HECW2: variants seen among roughly 807,000 people sequenced by gnomAD.
The protein encoded by HECW2 is E3 ubiquitin-protein ligase HECW2.
A neutral mutation model predicts 175.2 loss-of-function variants in HECW2; 61 were observed. The observed-to-expected ratio is 0.35, with a 90% CI of 0.28 to 0.43. The LOEUF (loss-of-function observed/expected upper bound fraction) is 0.43, where lower values mean the gene tolerates loss of function less well. Ranked by LOEUF, HECW2 falls within the 20% of genes least tolerant of loss-of-function variation. The pLI is 1.00. For synonymous variants in HECW2, 671 were observed against 731.0 expected, an observed-to-expected ratio of 0.92 and a Z score of 1.32; for missense variants, 1,524 against 2,000.5, an observed-to-expected ratio of 0.76 and a Z score of 4.54.
chr2:196,433,500 C>T (rs1013289675), intron 1 of HECW2, 42 bp from the exon 2 acceptor site: 36 of 1,398,382 alleles, frequency 2.6e-5, no homozygotes, highest in Middle Eastern at 5.1e-4. Context: ...TGCTACAATA[C>T]GAAGAATCAG....
At chr2:196,525,545 G>T (rs1247513137) in intron 1 of HECW2, among the ~76,000 whole-genome samples, 3 of 130,718 alleles carry the variant, frequency 2.3e-5, no homozygotes, top group East Asian at 2.3e-4. Context: ...GATTTTGCTC[G>T]TTAGTTGATG....
At chr2:196,463,564 A>G (rs1044704799) in intron 1 of HECW2, among the ~76,000 whole-genome samples, 3 of 152,232 alleles carry the variant, frequency 2.0e-5, no homozygotes, top group East Asian at 1.9e-4. Flanking sequence ...CATTATGACT[A>G]TAACAGTAGT....
chr2:196,392,068 G>T (rs1244565795), intron 2 of HECW2, among the ~76,000 whole-genome samples: 1 of 152,142 alleles, frequency 6.6e-6, no homozygotes, highest in African/African-American at 2.4e-5. Flanking sequence ...CATATTCGGA[G>T]ATTCAGGAAG....
chr2:196,573,778 C>T (rs1432903952), intron 1 of HECW2, among the ~76,000 whole-genome samples: 1 of 152,046 alleles, frequency 6.6e-6, no homozygotes, highest in Non-Finnish European at 1.5e-5. Context: ...AAATAAAAGG[C>T]ATCCAACTCA....
intron 1 of HECW2, among the ~76,000 whole-genome samples, chr2:196,480,315 T>C (rs973286289): frequency 6.6e-6 from 1 of 152,206 alleles, no homozygotes; most frequent in Non-Finnish European, 1.5e-5. Context: ...TACTTCTCTT[T>C]GTGCTCATTT....
intron 1 of HECW2, among the ~76,000 whole-genome samples, chr2:196,457,461 T>C (rs547878754): frequency 6.6e-6 from 1 of 152,380 alleles, no homozygotes; most frequent in South Asian, 2.1e-4. Flanking sequence ...TTTTAGCATA[T>C]GAAAGATCTT....
chr2:196,555,661 T>G (rs1426850632), intron 1 of HECW2, among the ~76,000 whole-genome samples: 2 of 152,186 alleles, frequency 1.3e-5, no homozygotes, highest in African/African-American at 2.4e-5. Context: ...GAAAAAAAAT[T>G]TGTAGGCCCC....
At chr2:196,231,559 G>A (rs1007208585) in intron 21 of HECW2, among the ~76,000 whole-genome samples, 2 of 152,248 alleles carry the variant, frequency 1.3e-5, no homozygotes, top group Non-Finnish European at 2.9e-5. Flanking sequence ...CCTGCTACAA[G>A]GGCAGAGTTG....
chr2:196,516,000 G>A (rs1688133051), intron 1 of HECW2, among the ~76,000 whole-genome samples: 4 of 151,652 alleles, frequency 2.6e-5, no homozygotes, highest in African/African-American at 9.7e-5. Flanking sequence ...AGTTGGACAT[G>A]GTGGCTCATG....
chr2:196,389,602 C>T (rs956608766), intron 2 of HECW2, among the ~76,000 whole-genome samples: 2 of 152,184 alleles, frequency 1.3e-5, no homozygotes, highest in African/African-American at 4.8e-5. Flanking sequence ...GATCTGCCTC[C>T]TGCCTCTGCA....
intron 1 of HECW2, among the ~76,000 whole-genome samples, chr2:196,540,142 C>G (rs1215156260): frequency 6.6e-6 from 1 of 152,164 alleles, no homozygotes; most frequent in Non-Finnish European, 1.5e-5. Flanking sequence ...TTCACTACAA[C>G]TTGTAACTGT....
intron 2 of HECW2, among the ~76,000 whole-genome samples, chr2:196,373,956 C>T (rs1693977153): frequency 6.6e-6 from 1 of 150,840 alleles, no homozygotes; most frequent in Non-Finnish European, 1.5e-5. Context: ...GGCGTGAACC[C>T]GGGAGGCGGA....
chr2:196,503,801 AAAAT>A (rs1358406398), intron 1 of HECW2, among the ~76,000 whole-genome samples: 5 of 152,264 alleles, frequency 3.3e-5, no homozygotes, highest in Non-Finnish European at 7.3e-5. Context: ...AAAAGTTTCA[AAAAT>A]AAGCCGCAGC....
intron 1 of HECW2, among the ~76,000 whole-genome samples, chr2:196,454,254 G>A (rs1033557331): frequency 5.3e-5 from 8 of 152,164 alleles, no homozygotes; most frequent in Non-Finnish European, 1.2e-4. Flanking sequence ...TTACTTTAAT[G>A]TATAGCCACT....
chr2:196,551,616 G>A (rs568208538), intron 1 of HECW2, among the ~76,000 whole-genome samples: 9 of 151,938 alleles, frequency 5.9e-5, no homozygotes, highest in South Asian at 2.1e-4. Context: ...TTTTCCCTGC[G>A]CATACTATAT....
chr2:196,495,497 A>T (rs1269176598), intron 1 of HECW2, among the ~76,000 whole-genome samples: 2 of 152,252 alleles, frequency 1.3e-5, no homozygotes, highest in Admixed American at 6.5e-5. Flanking sequence ...ATGAGTGGTC[A>T]GAGAAAGAGA....
At chr2:196,295,407 G>A (rs1190665789) in intron 13 of HECW2, among the ~76,000 whole-genome samples, 1 of 152,136 alleles carries the variant, frequency 6.6e-6, no homozygotes, top group Admixed American at 6.5e-5. Context: ...CAGTGTTGCT[G>A]ATATATTTTC....
chr2:196,447,069 G>A (rs1331596155), intron 1 of HECW2, among the ~76,000 whole-genome samples: 1 of 152,144 alleles, frequency 6.6e-6, no homozygotes, highest in Non-Finnish European at 1.5e-5. Flanking sequence ...TATGCAACAT[G>A]TGAATAAGGA....
At chr2:196,384,767 A>G (rs1694302614) in intron 2 of HECW2, among the ~76,000 whole-genome samples, 1 of 152,180 alleles carries the variant, frequency 6.6e-6, no homozygotes, top group South Asian at 2.1e-4. Flanking sequence ...TAGGCTGCCA[A>G]TTGATTAACT....
Sources: gnomAD v4.1 joint callset for allele counts (sites outside exome capture counted in the v4.1 genomes callset) on GRCh38, gnomAD v4.1.1 for gene constraint, MANE v1.5 for transcripts, NCBI Gene and HGNC (gene_info 2026-07-23, HGNC 2026-07-21) for gene names.